Variants in SHLD2 observed in about 807,000 individuals in gnomAD.
The protein encoded by SHLD2 is RINN1-REV7-interacting novel NHEJ regulator 2.
Under a neutral mutation model 73.2 loss-of-function variants are expected in SHLD2, and 30 were observed. The observed-to-expected ratio is 0.41, with a 90% CI of 0.31 to 0.56. The LOEUF (loss-of-function observed/expected upper bound fraction) is 0.56. SHLD2 is among the 20% of genes least tolerant of loss of function. The pLI, the probability that SHLD2 is intolerant of heterozygous loss-of-function variation, is 0.28. For synonymous variants in SHLD2, 285 were observed against 370.1 expected (o/e 0.77, Z 2.64); for missense variants, 745 against 1,055.9 (o/e 0.71, Z 4.08).
intron 6 of SHLD2, among the ~76,000 whole-genome samples, chr10:87,175,169 G>A (rs977794612): frequency 1.3e-5 from 2 of 150,676 alleles, no homozygotes; most frequent in Non-Finnish European, 3.0e-5. Context: ...AAGTACAATT[G>A]TGTCTAAATG....
chr10:87,132,633 G>A (rs949685228), intron 2 of SHLD2, among the ~76,000 whole-genome samples: 19 of 151,950 alleles, frequency 1.3e-4, no homozygotes, highest in African/African-American at 4.4e-4. Context: ...AATTAACCAG[G>A]CTTGGTGGTG....
In SHLD2 at chr10:87,180,662, C is replaced by T. The variant is rs565538159; in HGVS notation, c.2399+359C>T. 2.6e-5 allele frequency among the ~76,000 whole-genome samples: 4 copies of T among 152,288 alleles called. No homozygotes were observed. The East Asian group carries it at 7.7e-4, about 29-fold the overall frequency. ...GGCTAAAAGTATCATATGATCTCAC[C>T]TCTGAGTTGTTGTGGAAGCTAGTAA... On this transcript the variant is annotated intron_variant, in intron 8 of 9. Transcript: ENST00000298786.
chr10:87,145,949 G>A (rs781429619), intron 2 of SHLD2, among the ~76,000 whole-genome samples: 7 of 152,132 alleles, frequency 4.6e-5, no homozygotes, highest in Non-Finnish European at 5.9e-5. Context: ...TTTTCTGTCT[G>A]TATAATTTGG....
intron 7 of SHLD2, among the ~76,000 whole-genome samples, chr10:87,177,519 T>G (rs1848021495): frequency 6.6e-6 from 1 of 152,232 alleles, no homozygotes; most frequent in African/African-American, 2.4e-5. Context: ...GAGGCCTGTT[T>G]AGCCTCTTTC....
chr10:87,165,324 T>C (rs1847123168), intron 4 of SHLD2, among the ~76,000 whole-genome samples: 4 of 152,090 alleles, frequency 2.6e-5, no homozygotes, highest in Admixed American at 2.6e-4. Flanking sequence ...AGAGAGAGCA[T>C]TGCATAGTCT....
intron 3 of SHLD2, among the ~76,000 whole-genome samples, chr10:87,153,569 C>T (rs1398049479): frequency 2.0e-5 from 3 of 152,186 alleles, no homozygotes; most frequent in Non-Finnish European, 2.9e-5. Flanking sequence ...CAATAGAGTT[C>T]TAGAGTGTTG....
intron 2 of SHLD2, among the ~76,000 whole-genome samples, chr10:87,145,691 C>G (rs987109579): frequency 1.3e-5 from 2 of 149,886 alleles, no homozygotes; most frequent in Non-Finnish European, 3.0e-5. Flanking sequence ...CCTGCTGATA[C>G]AGTTCATCCT....
chr10:87,103,751 A>G (rs1183616671), intron 2 of SHLD2, among the ~76,000 whole-genome samples: 1 of 152,184 alleles, frequency 6.6e-6, no homozygotes, highest in Non-Finnish European at 1.5e-5. Context: ...CCCTTTTCCT[A>G]ATTAATGGCA....
At chr10:87,175,555 G>A (rs1246572748) in intron 6 of SHLD2, among the ~76,000 whole-genome samples, 28 of 151,514 alleles carry the variant, frequency 1.8e-4, no homozygotes, top group Non-Finnish European at 3.4e-4. Context: ...GTGGTGGCAC[G>A]CACCTGTAAT....
At chr10:87,094,489 C>A, upstream of SHLD2, 1 of 1,613,670 alleles carries the variant, frequency 6.2e-7, no homozygotes, top group East Asian at 2.2e-5. This position sits in a 1 kb window ranked among gnomAD's most constrained non-coding sequence, Gnocchi z 6.6. Context: ...CTGCTCCTCG[C>A]TCTCCCGGGT....
intron 2 of SHLD2, among the ~76,000 whole-genome samples, chr10:87,113,046 C>A (rs1479745902): frequency 6.6e-6 from 1 of 152,120 alleles, no homozygotes. Flanking sequence ...TGTGGTCCAG[C>A]CGGGTGTGGT....
At chr10:87,108,329 G>C (rs757848084) in intron 2 of SHLD2, among the ~76,000 whole-genome samples, 1 of 152,082 alleles carries the variant, frequency 6.6e-6, no homozygotes, top group African/African-American at 2.4e-5. Flanking sequence ...GATTACAGGC[G>C]TGAGCCACTG....
chr10:87,180,470 A>T (rs1296159557), intron 8 of SHLD2, among the ~76,000 whole-genome samples, 167 bp downstream of exon 8: 1 of 152,220 alleles, frequency 6.6e-6, no homozygotes, highest in Admixed American at 6.5e-5. Flanking sequence ...TTACCCAGGA[A>T]TCGTTATAGG....
chr10:87,134,591 G>T (rs1393632062), intron 2 of SHLD2, among the ~76,000 whole-genome samples: 1 of 152,164 alleles, frequency 6.6e-6, no homozygotes, highest in Admixed American at 6.5e-5. Context: ...CTGGGCCAGT[G>T]ACGAACTGGC....
At chr10:87,127,692 TCA>T (rs1296022053) in intron 2 of SHLD2, among the ~76,000 whole-genome samples, 2 of 151,514 alleles carry the variant, frequency 1.3e-5, no homozygotes, top group African/African-American at 4.8e-5. Flanking sequence ...AAAAAGGATC[TCA>T]GTTATTAGAA....
chr10:87,122,724 A>G (rs1843713691), intron 2 of SHLD2, among the ~76,000 whole-genome samples: 1 of 152,210 alleles, frequency 6.6e-6, no homozygotes, highest in Non-Finnish European at 1.5e-5. Flanking sequence ...TGACATGTTT[A>G]TAATTTACTT....
At chr10:87,184,245 C>G (rs1395307435) in intron 8 of SHLD2, among the ~76,000 whole-genome samples, 9 of 152,092 alleles carry the variant, frequency 5.9e-5, no homozygotes, top group Admixed American at 5.9e-4. Flanking sequence ...AATTTTCATT[C>G]AGAACTATAT....
intron 2 of SHLD2, among the ~76,000 whole-genome samples, chr10:87,104,699 C>T (rs142937482): frequency 2.6e-4 from 39 of 150,532 alleles, no homozygotes; most frequent in African/African-American, 9.0e-4. Flanking sequence ...CTTGCTCTGT[C>T]GCCCAGGCTG....
At chr10:87,149,642 GA>G (rs1845871557) in intron 2 of SHLD2, among the ~76,000 whole-genome samples, 7 of 152,046 alleles carry the variant, frequency 4.6e-5, no homozygotes, top group Admixed American at 4.6e-4. Flanking sequence ...AGAATTGCTT[GA>G]ACCTGGGAGA....
Sources: allele counts gnomAD v4.1 joint callset (sites outside exome capture counted in the v4.1 genomes callset), GRCh38; gene constraint gnomAD v4.1.1; non-coding constraint Gnocchi (gnomAD v3.1); transcripts MANE v1.5; gene names NCBI Gene and HGNC (gene_info 2026-07-23, HGNC 2026-07-21).